Variants in OR52E4 observed in about 807,000 individuals in gnomAD.
OR52E4 encodes olfactory receptor 52E4.
For synonymous variants in OR52E4, 169 were observed against 137.4 expected, an observed-to-expected ratio of 1.23 and a Z score of -1.61; for missense variants, 444 against 383.8, an observed-to-expected ratio of 1.16 and a Z score of -1.31.
In OR52E4 at chr11:5,884,209, G is replaced by A; in HGVS notation, c.-74-10G>A. On this transcript the variant is annotated splice_polypyrimidine_tract_variant and intron_variant, in intron 1 of 1. Coordinates refer to ENST00000641726, the MANE Select transcript of OR52E4 (RefSeq NM_001005165.2). Reference sequence around the variant, plus strand: ...CTAGCACACTGATAAGAGTCTTTCTGTTTCTTCAGGAACTTGACAAGAGAG... The same window carrying A: ...CTAGCACACTGATAAGAGTCTTTCTATTTCTTCAGGAACTTGACAAGAGAG... 1.0e-6 allele frequency: 1 copy of A among 959,436 alleles called. No homozygotes were observed. The highest frequency in any genetic ancestry group is 1.6e-6 in the Non-Finnish European group (1 of 621,352). The allele number at this position is 959,436 out of a possible 1,614,324, so 59.4% of individuals were successfully genotyped here.
In OR52E4 at chr11:5,885,389, C is replaced by G. The variant is rs1168363456; in HGVS notation, c.*158C>G. 1.8e-6 allele frequency: 1 copy of G among 567,250 alleles called. No individual in the cohort carries two copies. Among genetic ancestry groups the G allele is most frequent in the Non-Finnish European group, 3.1e-6 (1 of 327,488 alleles). The allele number at this position is 567,250 out of a possible 1,614,324, so 35.1% of individuals were successfully genotyped here. A position where few individuals can be genotyped will look rare whatever the true frequency, so the allele number is the denominator to read the frequency against. Reference sequence around the variant, plus strand: ...GTTGACAGATAATGCAAACTTAAAACCTTTGCTGCCTGTTTCCCCTACTTC... The same window carrying G: ...GTTGACAGATAATGCAAACTTAAAAGCTTTGCTGCCTGTTTCCCCTACTTC... On this transcript the variant is annotated 3_prime_UTR_variant, in exon 2 of 2. Coordinates refer to ENST00000641726, the MANE Select transcript of OR52E4 (RefSeq NM_001005165.2).
chr11:5,881,248 G>A (rs1188948891), intron 1 of OR52E4, among the ~76,000 whole-genome samples: 1 of 151,958 alleles, frequency 6.6e-6, no homozygotes, highest in African/African-American at 2.4e-5. Flanking sequence ...TTGTAACTTG[G>A]TTCCCTATAT....
chr11:5,885,427 T>C lies in OR52E4; in HGVS notation c.*196T>C. On this transcript the variant is annotated 3_prime_UTR_variant, in exon 2 of 2. Transcript: ENST00000641726. The stretch of plus-strand genomic sequence containing the variant: ...TTTCCCCTACTTCTCTCCAAGTACC[T>C]GGACAAAGGTTAGAGATTAATGGAG... 2 of 522,820 alleles carry C rather than the reference T, an allele frequency of 3.8e-6. No homozygotes were observed. The highest frequency in any genetic ancestry group is 6.7e-6 in the Non-Finnish European group (2 of 297,966). 32.4% of individuals were successfully genotyped at this position (522,820 alleles called of 1,614,324 possible). A position where few individuals can be genotyped will look rare whatever the true frequency, so the allele number is the denominator to read the frequency against.
At position 5,885,276 on chromosome 11, in the gene OR52E4, T is replaced by G. The variant is rs1428681167; in HGVS notation, c.*45T>G. The G allele has an allele frequency of 3.1e-6, 4 of 1,276,296 alleles. No homozygotes were observed. The Admixed American group carries it at 7.1e-5, about 23-fold the overall frequency. 79.1% of individuals were successfully genotyped at this position (1,276,296 alleles called of 1,614,324 possible). On this transcript the variant is annotated 3_prime_UTR_variant, in exon 2 of 2. Coordinates refer to ENST00000641726, the MANE Select transcript of OR52E4 (RefSeq NM_001005165.2). ...TAAATATATCTATATACAACCCAAA[T>G]TATCATCATCTGAGCTCCCTTTTTA... is the stretch of plus-strand genomic sequence containing the variant.
rs758387727 is a variant in OR52E4, at chr11:5,885,036, T to C, written c.744T>C (p.Val248=). The change falls in exon 2 of 2, where the codon GTT becomes GTC. Residue 248 remains valine (V), a synonymous_variant. Transcript: ENST00000641726. ...AFNTCGSHVC[V]MLCFYTPAFF... ...ATACCTGTGGTTCTCATGTCTGTGT[T>C]ATGCTGTGCTTTTACACACCAGCAT... The C allele has an allele frequency of 3.1e-6, 5 of 1,613,582 alleles. No individual in the cohort carries two copies. The highest frequency in any genetic ancestry group is 4.2e-6 in the Non-Finnish European group (5 of 1,179,716).
At position 5,884,818 on chromosome 11, in the gene OR52E4, G is replaced by A. The variant is rs4758168; in HGVS notation, c.526G>A (p.Val176Ile). The A allele has an allele frequency of 0.79, 1,273,428 of 1,613,138 alleles. 503,497 individuals carry two copies. Among genetic ancestry groups the A allele is most frequent in the African/African-American group, 0.82 (61,173 of 74,922 alleles). ...TCTGCCATTCTGTGGGCATAACATC[G>A]TACCTCACACATACTGTGAGCACAG... ...LRLPFCGHNI[V>I]PHTYCEHRGL... Residue 176 changes from valine to isoleucine, a missense_variant, in exon 2 of 2, where the codon GTA (valine) becomes ATA (isoleucine). Coordinates refer to ENST00000641726, the MANE Select transcript of OR52E4 (RefSeq NM_001005165.2).
At chr11:5,881,582 T>C (rs1846964025) in intron 1 of OR52E4, among the ~76,000 whole-genome samples, 2 of 152,120 alleles carry the variant, frequency 1.3e-5, no homozygotes, top group South Asian at 4.1e-4. Flanking sequence ...CTTTATCTAA[T>C]CTTAGGCCAA....
At chr11:5,884,156 T>C in intron 1 of OR52E4, 63 bp from the exon 2 acceptor site, 2 of 654,866 alleles carry the variant, frequency 3.1e-6, no homozygotes, top group Non-Finnish European at 5.4e-6. Flanking sequence ...CTTGAATGTT[T>C]GTAAATTAAC....
Position 5,884,495 on chromosome 11 carries a change from T to A in OR52E4, c.203T>A (p.Leu68Ter), listed in dbSNP as rs756638034. Residue 68 changes from leucine (L) to a stop codon, truncating the protein, a stop_gained, in exon 2 of 2, where the codon TTG (leucine) becomes TAG (stop). Coordinates refer to ENST00000641726, the MANE Select transcript of OR52E4 (RefSeq NM_001005165.2). LOFTEE classifies it low-confidence loss of function (END_TRUNC). ...HQPMFYFLAM[L>*]SMIDLGLSTS... Reference sequence around the variant, plus strand: ...CCCATGTTCTACTTCCTGGCCATGTTGTCTATGATTGATCTGGGTCTGTCC... The same window carrying A: ...CCCATGTTCTACTTCCTGGCCATGTAGTCTATGATTGATCTGGGTCTGTCC... 9 of 1,613,438 alleles carry A rather than the reference T, an allele frequency of 5.6e-6. No homozygotes were observed. The highest frequency in any genetic ancestry group is 6.8e-6 in the Non-Finnish European group (8 of 1,179,670).
Position 5,880,683 on chromosome 11 carries a change from A to C in OR52E4, c.-106A>C, listed in dbSNP as rs1462581834. The stretch of plus-strand genomic sequence containing the variant: ...TGGACTCATGCTCCAATTCTGCTCC[A>C]AGTGAGGGCTGGGAGAAGAAATATT... On this transcript the variant is annotated 5_prime_UTR_variant, in exon 1 of 2. Coordinates refer to ENST00000641726, the MANE Select transcript of OR52E4 (RefSeq NM_001005165.2). The C allele has an allele frequency of 6.6e-6, 1 of 152,188 alleles. No individual in the cohort carries two copies. The highest frequency in any genetic ancestry group is 2.4e-5 in the African/African-American group (1 of 41,434). The allele number at this position is 152,188 out of a possible 1,614,324, so 9.4% of individuals were successfully genotyped here.
At position 5,884,898 on chromosome 11, in the gene OR52E4, C is replaced by T. The variant is rs776851756; in HGVS notation, c.606C>T (p.Leu202=). 4.3e-6 allele frequency: 7 copies of T among 1,613,008 alleles called. No homozygotes were observed. The highest frequency in any genetic ancestry group is 2.2e-5 in the East Asian group (1 of 44,836). The change falls in exon 2 of 2, where the codon CTC becomes CTT. Residue 202 remains leucine (L), a synonymous_variant. Coordinates refer to ENST00000641726, the MANE Select transcript of OR52E4 (RefSeq NM_001005165.2). ...TTAAGATCAACATAATCTATGGGCT[C>T]ATGGTGATTTCTTATATTATTGTGG... The part of the protein sequence containing the change: ...APIKINIIYG[L]MVISYIIVDV...
In OR52E4 at chr11:5,884,315, A is replaced by G; in HGVS notation, c.23A>G (p.His8Arg). 1 of 1,610,646 alleles carries G rather than the reference A, an allele frequency of 6.2e-7. No individual in the cohort carries two copies. The highest frequency in any genetic ancestry group is 8.5e-7 in the Non-Finnish European group (1 of 1,178,086). ...AGAATGCCTTCTATCAATGACACCC[A>G]CTTCTATCCCCCCTTCTTCCTCCTG... Reference protein sequence around the residue: MPSINDTHFYPPFFLLLG... With the variant: MPSINDTRFYPPFFLLLG... The change falls in exon 2 of 2, where the codon CAC (histidine) becomes CGC (arginine). Residue 8 changes from histidine (H) to arginine (R), a missense_variant. Physicochemically the swap from His to Arg is conservative, Grantham distance 29 (BLOSUM62 0). Coordinates refer to ENST00000641726, the MANE Select transcript of OR52E4 (RefSeq NM_001005165.2).
At position 5,884,840 on chromosome 11, in the gene OR52E4, A is replaced by G. The variant is rs773717293; in HGVS notation, c.548A>G (p.His183Arg). ...ATCGTACCTCACACATACTGTGAGC[A>G]CAGGGGTCTGGCCGGGTTGGCCTGT... ...HNIVPHTYCEHRGLAGLACAP... is the reference protein window; with the variant it reads ...HNIVPHTYCERRGLAGLACAP... Residue 183 changes from histidine to arginine, a missense_variant, in exon 2 of 2, where the codon CAC (histidine) becomes CGC (arginine). His to Arg is a conservative substitution (Grantham distance 29). Coordinates refer to ENST00000641726, the MANE Select transcript of OR52E4 (RefSeq NM_001005165.2). 1 of 1,613,508 alleles carries G rather than the reference A, an allele frequency of 6.2e-7. No homozygotes were observed. Among genetic ancestry groups the G allele is most frequent in the Admixed American group, 1.7e-5 (1 of 59,896 alleles).
chr11:5,885,168 T>C lies in OR52E4; in HGVS notation c.876T>C (p.Ile292=). The C allele has an allele frequency of 1.2e-6, 2 of 1,613,210 alleles. No individual in the cohort carries two copies. The highest frequency in any genetic ancestry group is 1.7e-6 in the Non-Finnish European group (2 of 1,179,560). ...VVVPPALNPV[I]YGVRTKQIRE... is the part of the protein sequence containing the mutation. ...TCCCACCTGCCCTTAACCCTGTCAT[T>C]TATGGAGTCAGGACCAAGCAGATCC... The change falls in exon 2 of 2, where the codon ATT becomes ATC. Residue 292 remains isoleucine (I), a synonymous_variant. Transcript: ENST00000641726.
chr11:5,883,072 TA>T (rs1257897512), intron 1 of OR52E4, among the ~76,000 whole-genome samples: 1 of 152,106 alleles, frequency 6.6e-6, no homozygotes, highest in Non-Finnish European at 1.5e-5. Context: ...TAAAATTTGC[TA>T]AATATTTGAT....
rs1365801833 is a variant in OR52E4, at chr11:5,884,459, G to C, written c.167G>C (p.Ser56Thr). 1.9e-6 allele frequency: 3 copies of C among 1,613,452 alleles called. No homozygotes were observed. The South Asian group carries it at 3.3e-5, about 18-fold the overall frequency. Reference sequence around the variant, plus strand: ...CTCTTTGTGATCAAAACTGAACATAGTCTACACCAGCCCATGTTCTACTTC... The same window carrying C: ...CTCTTTGTGATCAAAACTGAACATACTCTACACCAGCCCATGTTCTACTTC... The part of the protein sequence containing the change: ...TILFVIKTEH[S>T]LHQPMFYFLA... The change falls in exon 2 of 2, where the codon AGT becomes ACT. Residue 56 changes from serine to threonine, a missense_variant. Coordinates refer to ENST00000641726, the MANE Select transcript of OR52E4 (RefSeq NM_001005165.2).
At chr11:5,881,489 T>C (rs1001493775) in intron 1 of OR52E4, among the ~76,000 whole-genome samples, 7 of 152,154 alleles carry the variant, frequency 4.6e-5, no homozygotes, top group African/African-American at 1.7e-4. Flanking sequence ...GGGTCATATT[T>C]GTATCCATAA....
chr11:5,883,320 T>C (rs1401321209), intron 1 of OR52E4, among the ~76,000 whole-genome samples: 1 of 152,024 alleles, frequency 6.6e-6, no homozygotes, highest in Non-Finnish European at 1.5e-5. Flanking sequence ...ACTTATCAGT[T>C]TAGCTGAGTT....
chr11:5,880,911 A>G lies in OR52E4; in HGVS notation c.-75+197A>G, dbSNP rs117887403. Among the ~76,000 whole-genome samples, 1,020 of 152,032 alleles carry G rather than the reference A, an allele frequency of 6.7e-3. 4 individuals are homozygous for G. The highest frequency in any genetic ancestry group is 0.012 in the South Asian group (59 of 4,812). On this transcript the variant is annotated intron_variant, in intron 1 of 1. Transcript: ENST00000641726. ...GGTGTACCAATTAGTAATGCACAGA[A>G]TTTCTGTCTGTGTATCTCTCTCTCT...
Sources: allele counts gnomAD v4.1 joint callset (sites outside exome capture counted in the v4.1 genomes callset), GRCh38; gene constraint gnomAD v4.1.1; transcripts MANE v1.5; gene names NCBI Gene and HGNC (gene_info 2026-07-23, HGNC 2026-07-21).